Variants in IZUMO4 observed in about 807,000 individuals in gnomAD.
The protein encoded by IZUMO4 is IZUMO family member 4.
IZUMO4 carries 51 observed loss-of-function variants against 37.1 expected under a neutral mutation model. The ratio of observed to expected loss-of-function variants is 1.38; its 90% CI spans 1.10 to 1.74. The LOEUF is 1.74. Among genes scored for constraint, IZUMO4 ranks in the 40% most tolerant of loss-of-function variants. The probability of loss-of-function intolerance (pLI) is 0.00; values close to 1 mark genes in which losing one functional copy is unlikely to be tolerated. For synonymous variants in IZUMO4, 162 were observed against 121.4 expected, an observed-to-expected ratio of 1.33 and a Z score of -2.20; for missense variants, 364 against 299.6, an observed-to-expected ratio of 1.21 and a Z score of -1.59.
rs1469992393 is a variant in IZUMO4 at position 2,098,583 on chromosome 19, C to A, written c.536+133C>A. ...GGCTCCCGAGGAGGTGGAACCTCAA[C>A]CCAGCTCTGCGCAGGAGGCGGCTGC... On this transcript the variant is annotated intron_variant, in intron 7 of 9. Coordinates refer to ENST00000395301, the MANE Select transcript of IZUMO4 (RefSeq NM_001039846.2). 6 of 1,601,732 alleles carry A rather than the reference C, an allele frequency of 3.7e-6. No homozygotes were observed. The East Asian group carries it at 1.3e-4, about 36-fold the overall frequency.
In IZUMO4 at chr19:2,097,250, A is replaced by C. The variant is rs956411036; in HGVS notation, c.218-2A>C. On this transcript the variant is annotated splice_acceptor_variant, in intron 1 of 9. Coordinates refer to ENST00000395301, the MANE Select transcript of IZUMO4 (RefSeq NM_001039846.2). LOFTEE classifies it high-confidence loss of function. ...TCACCTGGCTTCTCCTCCTGCCCGCAGCCCGGGAGAAGCTGGACCAAGTGG... is the reference window on the plus strand; with the variant it reads ...TCACCTGGCTTCTCCTCCTGCCCGCCGCCCGGGAGAAGCTGGACCAAGTGG... 26 of 1,611,858 alleles carry C rather than the reference A, an allele frequency of 1.6e-5. No individual in the cohort carries two copies. Among genetic ancestry groups the C allele is most frequent in the Non-Finnish European group, 2.1e-5 (25 of 1,179,412 alleles).
intron 8 of IZUMO4, 79 bp from the exon 9 acceptor site, chr19:2,098,897 G>A (rs1440195856): frequency 6.3e-7 from 1 of 1,581,664 alleles, no homozygotes; most frequent in Non-Finnish European, 8.7e-7. Flanking sequence ...GGGCACTGCA[G>A]GTGGGGCTCT....
Position 2,099,501 on chromosome 19 carries a change from G to GA in IZUMO4, c.*158dup. 2 of 363,894 alleles carry GA rather than the reference G, an allele frequency of 5.5e-6. No individual in the cohort carries two copies. Among genetic ancestry groups the GA allele is most frequent in the Non-Finnish European group, 1.1e-5 (2 of 180,330 alleles). 22.5% of individuals were successfully genotyped at this position (363,894 alleles called of 1,614,324 possible). ...CAGGGCCAGGAGGGCGGGAGGGAGG[G>GA]AATGGGGGTGGGCTGTGCGCAGCAT... On this transcript the variant is annotated 3_prime_UTR_variant, in exon 10 of 10. Transcript: ENST00000395301.
At position 2,097,467 on chromosome 19, in the gene IZUMO4, G is replaced by A. The variant is rs2144952853; in HGVS notation, c.342G>A (p.Val114=). ...NELRNIFREQ[V]HLIQNAIIES... ...TGCGAAACATCTTCCGGGAGCAGGTGCACCTCATCCAGAACGCCATCATCG... is the reference window on the plus strand; with the variant it reads ...TGCGAAACATCTTCCGGGAGCAGGTACACCTCATCCAGAACGCCATCATCG... The change falls in exon 3 of 10, where the codon GTG becomes GTA. Residue 114 remains valine (V), a synonymous_variant. Coordinates refer to ENST00000395301, the MANE Select transcript of IZUMO4 (RefSeq NM_001039846.2). The A allele has an allele frequency of 1.2e-6, 2 of 1,613,374 alleles. No homozygotes were observed. The highest frequency in any genetic ancestry group is 1.7e-6 in the Non-Finnish European group (2 of 1,179,926).
intron 3 of IZUMO4, 82 bp from the exon 4 acceptor site, chr19:2,097,847 T>C: frequency 6.4e-7 from 1 of 1,556,606 alleles, no homozygotes. Flanking sequence ...GGACAGGCCC[T>C]GAGGCTTTGG....
At position 2,098,888 on chromosome 19, in the gene IZUMO4, G is replaced by GA. The variant is rs1555697956; in HGVS notation, c.554+84_554+85insA. 8.8e-5 allele frequency: 139 copies of GA among 1,572,768 alleles called. 1 individual carries two copies. The highest frequency in any genetic ancestry group is 8.9e-5 in the South Asian group (8 of 90,188). ...CTAGGGGGTCCTCTAGATCAGTGGG[G>GA]GCACTGCAGGTGGGGCTCTCCCTAT... On this transcript the variant is annotated intron_variant, in intron 8 of 9. Transcript: ENST00000395301.
At chr19:2,097,606 G>T in intron 3 of IZUMO4, 111 bp downstream of exon 3, 1 of 993,494 alleles carries the variant, frequency 1.0e-6, no homozygotes, top group Non-Finnish European at 1.6e-6. Context: ...CCAGGCAGCT[G>T]GGGAGGAGGG....
At chr19:2,098,198 G>T (rs562312391) in intron 5 of IZUMO4, 71 bp downstream of exon 5, 39 of 1,611,320 alleles carry the variant, frequency 2.4e-5, no homozygotes, top group Admixed American at 3.3e-5. Flanking sequence ...TCTCCTTGGA[G>T]GGGGCTCCCC....
chr19:2,099,136 G>A (rs975857539), intron 9 of IZUMO4, 107 bp downstream of exon 9: 104 of 1,389,934 alleles, frequency 7.5e-5, no homozygotes, highest in East Asian at 2.1e-4. Context: ...CGAGGGTGTC[G>A]TGGATGTGGC....
Position 2,097,257 on chromosome 19 carries a change from G to A in IZUMO4, c.223G>A (p.Glu75Lys), listed in dbSNP as rs747276405. Residue 75 changes from glutamate (E) to lysine (K), a missense_variant, in exon 2 of 10, where the codon GAG (glutamate) becomes AAG (lysine). Glu to Lys is a moderately conservative substitution (Grantham distance 56). Coordinates refer to ENST00000395301, the MANE Select transcript of IZUMO4 (RefSeq NM_001039846.2). ...GCTTCTCCTCCTGCCCGCAGCCCGG[G>A]AGAAGCTGGACCAAGTGGCGACAGC... ...HLAIPAKITR[E>K]KLDQVATAVY... 6.2e-7 allele frequency: 1 copy of A among 1,612,380 alleles called. No individual in the cohort carries two copies. The highest frequency in any genetic ancestry group is 1.7e-5 in the Admixed American group (1 of 59,986).
intron 3 of IZUMO4, 143 bp from the exon 4 acceptor site, chr19:2,097,786 C>G (rs2017753271): frequency 1.9e-6 from 2 of 1,061,016 alleles, no homozygotes; most frequent in African/African-American, 3.2e-5. Context: ...TCCCTCCGGG[C>G]CATGGACACA....
At chr19:2,097,634 A>G in intron 3 of IZUMO4, 139 bp downstream of exon 3, 1 of 836,144 alleles carries the variant, frequency 1.2e-6, no homozygotes, top group Non-Finnish European at 2.0e-6. Context: ...CCAGGGAGGG[A>G]CCCAGCCTAG....
intron 3 of IZUMO4, 179 bp downstream of exon 3, chr19:2,097,674 G>A (rs1024795040): frequency 7.0e-6 from 5 of 717,856 alleles, no homozygotes; most frequent in African/African-American, 3.5e-5. Context: ...ATCACCCCGC[G>A]GGGACCTCCC....
At position 2,099,472 on chromosome 19, in the gene IZUMO4, T is replaced by C. The variant is rs889003769; in HGVS notation, c.*127T>C. 6.7e-5 allele frequency: 25 copies of C among 371,710 alleles called. No individual in the cohort carries two copies. The highest frequency in any genetic ancestry group is 1.3e-4 in the Non-Finnish European group (24 of 182,498). The allele number at this position is 371,710 out of a possible 1,614,324, so 23.0% of individuals were successfully genotyped here. On this transcript the variant is annotated 3_prime_UTR_variant, in exon 10 of 10. Coordinates refer to ENST00000395301, the MANE Select transcript of IZUMO4 (RefSeq NM_001039846.2). ...TCTCCGACCCCGGACAGAGCTGAGC[T>C]GGCCAGGGCCAGGAGGGCGGGAGGG...
chr19:2,098,747 T>C, intron 7 of IZUMO4, 40 bp from the exon 8 acceptor site: 1 of 1,604,658 alleles, frequency 6.2e-7, no homozygotes, highest in Non-Finnish European at 8.5e-7. Context: ...TGGTTAGGGG[T>C]GCCCCATGGA....
rs749681334 is a variant in IZUMO4, at chr19:2,097,411, C to T, written c.299-13C>T. ...CCGCCTGAGCCTGACCTTCTCCTGC[C>T]TCGACGACTCAGGGTATTTCCCCAA... On this transcript the variant is annotated splice_polypyrimidine_tract_variant and intron_variant, in intron 2 of 9. Transcript: ENST00000395301. The T allele has an allele frequency of 6.2e-7, 1 of 1,612,572 alleles. No individual in the cohort carries two copies. The highest frequency in any genetic ancestry group is 2.2e-5 in the East Asian group (1 of 44,868).
At chr19:2,099,185 C>CT (rs1462284314) in intron 9 of IZUMO4, 70 bp from the exon 10 acceptor site, 11 of 1,491,460 alleles carry the variant, frequency 7.4e-6, no homozygotes, top group Non-Finnish European at 9.3e-6. Flanking sequence ...GAGGAGAGGC[C>CT]TGGGGCCCCC....
chr19:2,099,199 G>A, intron 9 of IZUMO4, 56 bp from the exon 10 acceptor site: 1 of 1,514,994 alleles, frequency 6.6e-7, no homozygotes, highest in Non-Finnish European at 9.2e-7. Context: ...GGCCCCCAGG[G>A]AGGGAGGCAG....
intron 7 of IZUMO4, 29 bp from the exon 8 acceptor site, chr19:2,098,758 G>A (rs1398405416): frequency 5.0e-6 from 8 of 1,605,332 alleles, no homozygotes; most frequent in Non-Finnish European, 6.8e-6. Context: ...GCCCCATGGA[G>A]GGGCTGACTG....
Sources: gnomAD v4.1 joint callset for allele counts on GRCh38, gnomAD v4.1.1 for gene constraint, MANE v1.5 for transcripts, NCBI Gene and HGNC (gene_info 2026-07-23, HGNC 2026-07-21) for gene names.